Variants in DNAJC1 observed in about 807,000 individuals in gnomAD.
The protein encoded by DNAJC1 is dnaJ homolog subfamily C member 1.
In DNAJC1, 58 loss-of-function variants were observed where a neutral mutation model predicts 76.6. The ratio of observed to expected loss-of-function variants is 0.76; its 90% CI spans 0.61 to 0.94. The LOEUF is 0.94. Among genes scored for constraint, DNAJC1 ranks in the 40% least tolerant of loss-of-function variants. The pLI is 0.00. For missense variants in DNAJC1, 689 were observed against 677.3 expected, an observed-to-expected ratio of 1.02 and a Z score of -0.19; for synonymous variants, 258 against 267.9, an observed-to-expected ratio of 0.96 and a Z score of 0.36.
chr10:21,998,951 G>C (rs1167924882), intron 1 of DNAJC1, among the ~76,000 whole-genome samples: 1 of 152,142 alleles, frequency 6.6e-6, no homozygotes, highest in Admixed American at 6.5e-5. Context: ...TAAAAATGAG[G>C]CAACTAACTT....
At chr10:21,906,507 G>A (rs1836748612) in intron 6 of DNAJC1, among the ~76,000 whole-genome samples, 1 of 152,174 alleles carries the variant, frequency 6.6e-6, no homozygotes, top group South Asian at 2.1e-4. Context: ...GGTCAGGAAG[G>A]CATTGGCTCC....
At chr10:21,774,856 AC>A (rs1834432979) in intron 9 of DNAJC1, among the ~76,000 whole-genome samples, 1 of 152,244 alleles carries the variant, frequency 6.6e-6, no homozygotes, top group Non-Finnish European at 1.5e-5. Flanking sequence ...TTCCAATGGC[AC>A]ATGGGGATGA....
At chr10:21,923,972 G>C (rs1837078703) in intron 3 of DNAJC1, among the ~76,000 whole-genome samples, 1 of 151,900 alleles carries the variant, frequency 6.6e-6, no homozygotes, top group Admixed American at 6.5e-5. Context: ...AATAATTCTA[G>C]CATGTGCCTA....
At chr10:21,769,252 A>C (rs1245398830) in intron 9 of DNAJC1, among the ~76,000 whole-genome samples, 3 of 152,166 alleles carry the variant, frequency 2.0e-5, no homozygotes, top group Non-Finnish European at 4.4e-5. Context: ...GTCTCATAGA[A>C]ACTGACCACG....
At chr10:21,820,538 T>C (rs1835141212) in intron 8 of DNAJC1, among the ~76,000 whole-genome samples, 1 of 152,164 alleles carries the variant, frequency 6.6e-6, no homozygotes, top group African/African-American at 2.4e-5. Context: ...GGATTTCTCT[T>C]AACAGCAAGC....
chr10:22,000,724 T>C (rs974421983), intron 1 of DNAJC1, among the ~76,000 whole-genome samples: 1 of 152,192 alleles, frequency 6.6e-6, no homozygotes, highest in East Asian at 1.9e-4. Context: ...GGAGTCCTAA[T>C]GGATGAGATT....
chr10:21,791,041 T>G (rs181006238), intron 9 of DNAJC1, among the ~76,000 whole-genome samples: 128 of 152,030 alleles, frequency 8.4e-4, no homozygotes, highest in Non-Finnish European at 1.5e-3. Flanking sequence ...AAAAAGATAC[T>G]CCATGCAAAA....
chr10:21,874,561 T>C (rs754902194), intron 8 of DNAJC1, among the ~76,000 whole-genome samples: 1 of 152,242 alleles, frequency 6.6e-6, no homozygotes. Context: ...ATAATTTCAA[T>C]TATATAAAGT....
chr10:21,990,516 T>C (rs763470152), intron 1 of DNAJC1, among the ~76,000 whole-genome samples: 17 of 152,170 alleles, frequency 1.1e-4, no homozygotes, highest in Non-Finnish European at 2.1e-4. Flanking sequence ...ATGTTGAAAG[T>C]AGATAAGAAT....
At chr10:21,864,380 G>T (rs1835960819) in intron 8 of DNAJC1, among the ~76,000 whole-genome samples, 11 of 151,446 alleles carry the variant, frequency 7.3e-5, no homozygotes, top group Admixed American at 7.2e-4. Context: ...CCAGCACCCT[G>T]GGAGGCCAAG....
intron 1 of DNAJC1, among the ~76,000 whole-genome samples, chr10:21,999,451 CTTTTTTTTTTTT>C (rs140026558): frequency 1.2e-4 from 11 of 94,044 alleles, no homozygotes; most frequent in Admixed American, 8.6e-4. Flanking sequence ...CTTCTTGACT[CTTTTTTTTTTTT>C]TTTTTTTTTT....
intron 1 of DNAJC1, among the ~76,000 whole-genome samples, chr10:21,945,807 C>T (rs1334399517): frequency 6.6e-6 from 1 of 152,090 alleles, no homozygotes; most frequent in African/African-American, 2.4e-5. Flanking sequence ...TGGACATGTA[C>T]ATGAAATGGA....
chr10:21,936,243 C>T (rs1837309968), intron 1 of DNAJC1, among the ~76,000 whole-genome samples: 1 of 152,132 alleles, frequency 6.6e-6, no homozygotes, highest in Non-Finnish European at 1.5e-5. Context: ...GGAAGGGGCC[C>T]TCACCAGACA....
At chr10:21,831,109 A>AG (rs1835350592) in intron 8 of DNAJC1, among the ~76,000 whole-genome samples, 1 of 152,088 alleles carries the variant, frequency 6.6e-6, no homozygotes, top group Non-Finnish European at 1.5e-5. Flanking sequence ...TGGGTGGGGT[A>AG]GTGGGGGTGG....
intron 8 of DNAJC1, among the ~76,000 whole-genome samples, chr10:21,879,700 C>G (rs1836242039): frequency 6.6e-6 from 1 of 152,164 alleles, no homozygotes; most frequent in Non-Finnish European, 1.5e-5. Flanking sequence ...TGTGTGATAG[C>G]ATTATGTCCA....
chr10:21,912,761 T>TAGC lies in DNAJC1; in HGVS notation c.729+6017_729+6018insGCT, dbSNP rs1836885446. On this transcript the variant is annotated intron_variant, in intron 6 of 11. Transcript: ENST00000376980. ...GCCTCATAGCCTTTTAGAAGCTTTT[T>TAGC]TTCCTGCTAATTAGCTGTGAATGTT... Among the ~76,000 whole-genome samples, 5 of 152,154 alleles carry TAGC rather than the reference T, an allele frequency of 3.3e-5. No individual in the cohort carries two copies. The South Asian group carries it at 1.0e-3, about 32-fold the overall frequency.
At chr10:21,988,455 G>C (rs1005007415) in intron 1 of DNAJC1, among the ~76,000 whole-genome samples, 2 of 151,674 alleles carry the variant, frequency 1.3e-5, no homozygotes, top group African/African-American at 4.8e-5. Context: ...AAAATGAAAG[G>C]GCCCTTTATC....
At chr10:21,973,421 A>G (rs1287529166) in intron 1 of DNAJC1, among the ~76,000 whole-genome samples, 1 of 152,228 alleles carries the variant, frequency 6.6e-6, no homozygotes, top group African/African-American at 2.4e-5. Flanking sequence ...ATTATTTTCA[A>G]ATGTTCTATT....
chr10:21,945,281 G>C (rs771017999), intron 1 of DNAJC1, among the ~76,000 whole-genome samples: 5 of 152,182 alleles, frequency 3.3e-5, no homozygotes, highest in Admixed American at 1.3e-4. Context: ...TTTTGCTAGA[G>C]TAATGGGTAC....
Sources: gnomAD v4.1 joint callset for allele counts (sites outside exome capture counted in the v4.1 genomes callset) on GRCh38, gnomAD v4.1.1 for gene constraint, MANE v1.5 for transcripts, NCBI Gene and HGNC (gene_info 2026-07-23, HGNC 2026-07-21) for gene names.